Variants in CHEK2 observed in about 807,000 individuals in gnomAD.
The protein encoded by CHEK2 is checkpoint kinase 2, also known as serine/threonine-protein kinase Chk2.
A neutral mutation model predicts 69.1 loss-of-function variants in CHEK2; 71 were observed. The ratio of observed to expected loss-of-function variants is 1.03; its 90% CI spans 0.85 to 1.25. The LOEUF is 1.25. CHEK2 is among the 50% of genes most tolerant of loss of function. The pLI, the probability that CHEK2 is intolerant of heterozygous loss-of-function variation, is 0.00. For synonymous variants in CHEK2, 189 were observed against 226.9 expected, an observed-to-expected ratio of 0.83 and a Z score of 1.50; for missense variants, 664 against 649.6, an observed-to-expected ratio of 1.02 and a Z score of -0.24.
At chr22:28,720,068 T>C (rs1412555638) in intron 4 of CHEK2, among the ~76,000 whole-genome samples, 1 of 151,424 alleles carries the variant, frequency 6.6e-6, no homozygotes, top group Non-Finnish European at 1.5e-5. Flanking sequence ...TCTCCATTAT[T>C]TGGGCTGTAT....
chr22:28,730,679 G>A (rs1664472177), intron 2 of CHEK2: 1 of 420,178 alleles, frequency 2.4e-6, no homozygotes, highest in African/African-American at 2.0e-5. Flanking sequence ...CCAACATGGT[G>A]AAACCCCATC....
chr22:28,731,509 T>C (rs2054214664), intron 2 of CHEK2, among the ~76,000 whole-genome samples: 1 of 151,900 alleles, frequency 6.6e-6, no homozygotes, highest in South Asian at 2.1e-4. Context: ...GGCAGGAGAA[T>C]GGCTTCAACC....
At chr22:28,738,059 T>A (rs1183561336) in intron 1 of CHEK2, 1 of 152,018 alleles carries the variant, frequency 6.6e-6, no homozygotes, top group Non-Finnish European at 1.5e-5. Context: ...TACAAAAAAT[T>A]AGCAGGGCAT....
intron 2 of CHEK2, among the ~76,000 whole-genome samples, chr22:28,727,130 C>T (rs553193586): frequency 6.6e-6 from 1 of 152,288 alleles, no homozygotes; most frequent in East Asian, 1.9e-4. Context: ...CAACCTCCAC[C>T]TCCCAGGTTC....
intron 7 of CHEK2, among the ~76,000 whole-genome samples, chr22:28,708,159 G>C (rs796772104): frequency 1.3e-5 from 2 of 151,964 alleles, no homozygotes; most frequent in African/African-American, 4.8e-5. Flanking sequence ...TATCTTAAGG[G>C]TAGGTCTGAT....
chr22:28,728,115 C>G (rs1258211034), intron 2 of CHEK2: 1 of 152,044 alleles, frequency 6.6e-6, no homozygotes, highest in East Asian at 1.9e-4. Context: ...GAGAGTGAGA[C>G]CCTATCTCTA....
intron 6 of CHEK2, among the ~76,000 whole-genome samples, chr22:28,711,396 A>G (rs942006360): frequency 3.3e-5 from 5 of 151,926 alleles, no homozygotes; most frequent in African/African-American, 1.2e-4. Flanking sequence ...AGTTGATGAC[A>G]TGAAAACTCA....
At chr22:28,737,884 C>T (rs1485049990) in intron 1 of CHEK2, 1 of 152,364 alleles carries the variant, frequency 6.6e-6, no homozygotes, top group Non-Finnish European at 1.5e-5. Context: ...AAGATACCCA[C>T]ACTGATTGTA....
intron 13 of CHEK2, among the ~76,000 whole-genome samples, chr22:28,691,952 A>T (rs2052380844): frequency 6.6e-6 from 1 of 152,212 alleles, no homozygotes; most frequent in Non-Finnish European, 1.5e-5. Context: ...TCACTAACAG[A>T]TGTTTTAGAT....
Position 28,741,813 on chromosome 22 carries a change from A to T in CHEK2, c.-51T>A, listed in dbSNP as rs2054566090. On this transcript the variant is annotated 5_prime_UTR_variant, in exon 1 of 15. Transcript: ENST00000404276. ...CCGCACACTCTCCGCAGCCTCAGCC[A>T]GCAGAGTGGCGCTAAACCTGCAGAT... is the stretch of plus-strand genomic sequence containing the variant. The T allele has an allele frequency of 1.9e-6, 1 of 531,838 alleles. No individual in the cohort carries two copies. Among genetic ancestry groups the T allele is most frequent in the African/African-American group, 1.9e-5 (1 of 52,596 alleles). 32.9% of individuals were successfully genotyped at this position (531,838 alleles called of 1,614,324 possible).
intron 4 of CHEK2, 156 bp downstream of exon 4, chr22:28,724,821 C>T: frequency 2.5e-6 from 2 of 784,810 alleles, no homozygotes; most frequent in Non-Finnish European, 4.4e-6. Flanking sequence ...CCGCCTCAGC[C>T]TCCCAAAGTG....
Position 28,696,931 on chromosome 22 carries a change from C to T in CHEK2, c.1065G>A (p.Leu355=), listed in dbSNP as rs938389349. 6 of 1,613,128 alleles carry T rather than the reference C, an allele frequency of 3.7e-6. No individual in the cohort carries two copies. The African/African-American group carries it at 8.0e-5, about 22-fold the overall frequency. Residue 355 remains leucine (L), a synonymous_variant, in exon 10 of 15, where the codon CTG becomes CTA. Transcript: ENST00000404276. The part of the protein sequence containing the change: ...HRDLKPENVL[L]SSQEEDCLIK... ...TAAGACAGTCCTCTTCTTGAGATGA[C>T]AGTAAAACATTCTCTGGCTTTAAGT... is the stretch of plus-strand genomic sequence containing the variant.
intron 4 of CHEK2, among the ~76,000 whole-genome samples, chr22:28,722,413 G>A (rs1012945881): frequency 3.3e-5 from 5 of 151,420 alleles, no homozygotes; most frequent in African/African-American, 1.2e-4. Flanking sequence ...AGTGGCGGGC[G>A]CCTATAGTCC....
At chr22:28,737,160 T>C (rs1463635133) in intron 1 of CHEK2, 1 of 352,374 alleles carries the variant, frequency 2.8e-6, no homozygotes, top group Non-Finnish European at 5.8e-6. Flanking sequence ...GACCCCCCAG[T>C]GGATGCCTGA....
At chr22:28,699,362 CTTTT>C (rs67508991) in intron 9 of CHEK2, among the ~76,000 whole-genome samples, 5 of 78,044 alleles carry the variant, frequency 6.4e-5, no homozygotes, top group African/African-American at 4.6e-5. Flanking sequence ...AGAGCTTTTT[CTTTT>C]TTTTTTTTTT....
intron 12 of CHEK2, 50 bp downstream of exon 12, chr22:28,695,077 A>AC (rs1389221104): frequency 9.0e-7 from 1 of 1,113,128 alleles, no homozygotes; most frequent in Non-Finnish European, 1.4e-6. Context: ...CCACCACAGC[A>AC]CATACACATT....
rs1555911522 is a variant in CHEK2, at chr22:28,687,895, G to A, written c.*2C>T. The A allele has an allele frequency of 1.9e-6, 3 of 1,595,218 alleles. No homozygotes were observed. Among genetic ancestry groups the A allele is most frequent in the Non-Finnish European group, 2.5e-6 (3 of 1,178,714 alleles). ...ATTTCTTTCGTGTTCAAACCACGGAGTTCACAACACAGCAGCACACACAGC... is the reference window on the plus strand; with the variant it reads ...ATTTCTTTCGTGTTCAAACCACGGAATTCACAACACAGCAGCACACACAGC... On this transcript the variant is annotated 3_prime_UTR_variant, in exon 15 of 15. Transcript: ENST00000404276.
chr22:28,696,941 T>C lies in CHEK2; in HGVS notation c.1055A>G (p.Asn352Ser), dbSNP rs764181318. The C allele has an allele frequency of 1.2e-6, 2 of 1,613,612 alleles. No individual in the cohort carries two copies. Among genetic ancestry groups the C allele is most frequent in the Non-Finnish European group, 1.7e-6 (2 of 1,179,566 alleles). Residue 352 changes from asparagine to serine, a missense_variant, in exon 10 of 15, where the codon AAT (asparagine) becomes AGT (serine). By Grantham distance (46) the Asn-to-Ser change is conservative. Transcript: ENST00000404276. ...GIIHRDLKPENVLLSSQEEDC... is the reference protein window; with the variant it reads ...GIIHRDLKPESVLLSSQEEDC... ...CTCTTCTTGAGATGACAGTAAAACATTCTCTGGCTTTAAGTCACGGTGTAT... is the reference window on the plus strand; with the variant it reads ...CTCTTCTTGAGATGACAGTAAAACACTCTCTGGCTTTAAGTCACGGTGTAT...
intron 2 of CHEK2, 26 bp from the exon 3 acceptor site, chr22:28,725,393 G>A (rs761493416): frequency 3.7e-6 from 6 of 1,613,882 alleles, no homozygotes; most frequent in South Asian, 2.2e-5. Context: ...ATGCATCAGA[G>A]GGCTGTTGAA....
Sources: gnomAD v4.1 joint callset for allele counts (sites outside exome capture counted in the v4.1 genomes callset) on GRCh38, gnomAD v4.1.1 for gene constraint, MANE v1.5 for transcripts, NCBI Gene and HGNC (gene_info 2026-07-23, HGNC 2026-07-21) for gene names.